DIAPH3: variants seen among roughly 807,000 people sequenced by gnomAD.
DIAPH3 encodes protein diaphanous homolog 3.
DIAPH3 carries 117 observed loss-of-function variants against 144.3 expected under a neutral mutation model. The ratio of observed to expected loss-of-function variants is 0.81; its 90% confidence interval spans 0.70 to 0.95. The LOEUF (loss-of-function observed/expected upper bound fraction) is 0.95. DIAPH3 is among the 40% of genes least tolerant of loss of function. The pLI, the probability that DIAPH3 is intolerant of heterozygous loss-of-function variation, is 0.00. For missense variants in DIAPH3, 1,421 were observed against 1,412.7 expected (o/e 1.01, Z -0.09); for synonymous variants, 519 against 488.9 (o/e 1.06, Z -0.81).
chr13:59,916,167 C>G lies in DIAPH3; in HGVS notation c.2253G>C (p.Glu751Asp). The G allele has an allele frequency of 6.2e-7, 1 of 1,612,932 alleles. No homozygotes were observed. Among genetic ancestry groups the G allele is most frequent in the Non-Finnish European group, 8.5e-7 (1 of 1,179,180 alleles). ...CCTGTTTGTTTACCTGAATCATAGA[C>G]TCTGCCAACCGTGTTTCATCTACTT... is the stretch of plus-strand genomic sequence containing the variant. ...ILEVDETRLA[E>D]SMIQNLIKHL... Residue 751 changes from glutamate (E) to aspartate (D), a missense_variant, in exon 19 of 28, where the codon GAG becomes GAC. By Grantham distance (45) the Glu-to-Asp change is conservative. Transcript: ENST00000400324.
At chr13:60,030,560 A>G (rs1304366882) in intron 5 of DIAPH3, among the ~76,000 whole-genome samples, 2 of 152,110 alleles carry the variant, frequency 1.3e-5, no homozygotes, top group South Asian at 2.1e-4. Flanking sequence ...TCCATTTAAC[A>G]TGTACTCTGA....
At chr13:59,701,608 T>C (rs2034117977) in intron 27 of DIAPH3, among the ~76,000 whole-genome samples, 1 of 152,248 alleles carries the variant, frequency 6.6e-6, no homozygotes, top group Non-Finnish European at 1.5e-5. Flanking sequence ...ATTTCTGAAA[T>C]GTTTAGCTCA....
chr13:59,676,709 G>A (rs1350361), intron 27 of DIAPH3, among the ~76,000 whole-genome samples: 59,685 of 151,982 alleles, frequency 0.39, 12,996 homozygotes, highest in Middle Eastern at 0.49. Flanking sequence ...GTGCAGTACT[G>A]TAAAACAATA....
At chr13:60,132,651 T>G (rs1449619491) in intron 2 of DIAPH3, among the ~76,000 whole-genome samples, 1 of 152,168 alleles carries the variant, frequency 6.6e-6, no homozygotes, top group African/African-American at 2.4e-5. Flanking sequence ...TTGCTATTTT[T>G]ACTTCTTTTT....
chr13:59,870,790 C>T (rs981953299), intron 21 of DIAPH3, among the ~76,000 whole-genome samples: 5 of 151,962 alleles, frequency 3.3e-5, no homozygotes, highest in Admixed American at 6.6e-5. Context: ...CCTGTCTCAG[C>T]CTCCCTAGTA....
chr13:59,888,999 T>G (rs939836885), intron 20 of DIAPH3, among the ~76,000 whole-genome samples: 15 of 152,034 alleles, frequency 9.9e-5, no homozygotes, highest in African/African-American at 3.6e-4. Context: ...GTACTGTGCC[T>G]TTTATCTTTT....
At chr13:60,047,632 T>C (rs1301837201) in intron 4 of DIAPH3, among the ~76,000 whole-genome samples, 1 of 152,182 alleles carries the variant, frequency 6.6e-6, no homozygotes, top group Non-Finnish European at 1.5e-5. Flanking sequence ...AAAGTGAACC[T>C]GGATCCTAGA....
intron 27 of DIAPH3, among the ~76,000 whole-genome samples, chr13:59,760,495 T>G (rs1203341637): frequency 6.6e-6 from 1 of 152,242 alleles, no homozygotes. Flanking sequence ...TTGTCAGAGC[T>G]AAAATACAAC....
intron 17 of DIAPH3, among the ~76,000 whole-genome samples, chr13:59,940,848 A>G (rs1032951204): frequency 3.3e-5 from 5 of 152,318 alleles, no homozygotes; most frequent in African/African-American, 1.2e-4. Flanking sequence ...CTAGCCCATC[A>G]GTAGAAACTG....
chr13:59,968,739 A>G (rs2050193758), intron 17 of DIAPH3, among the ~76,000 whole-genome samples: 1 of 152,222 alleles, frequency 6.6e-6, no homozygotes, highest in Admixed American at 6.5e-5. Context: ...TACCTTTTAG[A>G]AAGAGATTCT....
intron 25 of DIAPH3, among the ~76,000 whole-genome samples, chr13:59,795,009 G>A (rs958697660): frequency 6.6e-6 from 1 of 152,246 alleles, no homozygotes; most frequent in Non-Finnish European, 1.5e-5. Context: ...AAACAAAATG[G>A]TTGTCTTTCA....
intron 5 of DIAPH3, among the ~76,000 whole-genome samples, chr13:60,035,950 G>T (rs1464717372): frequency 6.6e-6 from 1 of 152,068 alleles, no homozygotes; most frequent in Non-Finnish European, 1.5e-5. Flanking sequence ...CCAGCTACAG[G>T]CTGTTACACC....
chr13:59,692,218 T>G (rs886741692), intron 27 of DIAPH3, among the ~76,000 whole-genome samples: 1 of 146,488 alleles, frequency 6.8e-6, no homozygotes, highest in Non-Finnish European at 1.5e-5. Context: ...TCTGAGTACC[T>G]GAGAATATAT....
chr13:59,827,497 T>C (rs2041510149), intron 24 of DIAPH3, among the ~76,000 whole-genome samples: 1 of 152,002 alleles, frequency 6.6e-6, no homozygotes, highest in African/African-American at 2.4e-5. Context: ...AGAATTTCTT[T>C]AAGATGAAAT....
intron 17 of DIAPH3, among the ~76,000 whole-genome samples, chr13:59,929,220 T>C (rs1177761576): frequency 6.6e-6 from 1 of 152,184 alleles, no homozygotes; most frequent in Non-Finnish European, 1.5e-5. Context: ...GTCCAAAGCA[T>C]TTCAGATAAG....
At chr13:59,958,196 T>C (rs1244658617) in intron 17 of DIAPH3, among the ~76,000 whole-genome samples, 1 of 152,214 alleles carries the variant, frequency 6.6e-6, no homozygotes, top group African/African-American at 2.4e-5. Context: ...CATTTAAATA[T>C]GCAATTATAA....
intron 20 of DIAPH3, among the ~76,000 whole-genome samples, chr13:59,909,726 C>T (rs993294006): frequency 5.9e-5 from 9 of 152,138 alleles, no homozygotes; most frequent in African/African-American, 1.9e-4. Flanking sequence ...ATTCCACTGG[C>T]ACTCAGGTAT....
chr13:59,913,069 C>T (rs911993593), intron 19 of DIAPH3, among the ~76,000 whole-genome samples: 3 of 152,088 alleles, frequency 2.0e-5, no homozygotes, highest in Admixed American at 6.5e-5. Flanking sequence ...GACCAAAAGA[C>T]ATGATTATTT....
At chr13:59,736,408 T>G (rs1419583630) in intron 27 of DIAPH3, among the ~76,000 whole-genome samples, 1 of 152,158 alleles carries the variant, frequency 6.6e-6, no homozygotes, top group Non-Finnish European at 1.5e-5. Context: ...TTCCACCAGC[T>G]GTGTAAGTGT....
Sources: gnomAD v4.1 joint callset for allele counts (sites outside exome capture counted in the v4.1 genomes callset) on GRCh38, gnomAD v4.1.1 for gene constraint, MANE v1.5 for transcripts, NCBI Gene and HGNC (gene_info 2026-07-23, HGNC 2026-07-21) for gene names.